Variants in EBF1 observed in about 807,000 individuals in gnomAD.
The protein encoded by EBF1 is EBF transcription factor 1.
In EBF1, 10 loss-of-function variants were observed where a neutral mutation model predicts 68.4. The observed-to-expected ratio is 0.15, with a 90% confidence interval of 0.09 to 0.25. The LOEUF is 0.25. Ranked by LOEUF, EBF1 falls within the 10% of genes least tolerant of loss-of-function variation. The pLI, the probability that EBF1 is intolerant of heterozygous loss-of-function variation, is 1.00. For missense variants in EBF1, 509 were observed against 794.4 expected (o/e 0.64, Z 4.32); for synonymous variants, 298 against 299.8 (o/e 0.99, Z 0.06).
At chr5:158,969,539 G>A (rs1174899417) in intron 6 of EBF1, among the ~76,000 whole-genome samples, 5 of 149,962 alleles carry the variant, frequency 3.3e-5, no homozygotes, top group Middle Eastern at 3.5e-3. Context: ...CGAGGCAGGA[G>A]GATCACTTGA....
chr5:158,746,372 G>A (rs1767563673), intron 10 of EBF1, among the ~76,000 whole-genome samples: 1 of 152,124 alleles, frequency 6.6e-6, no homozygotes, highest in African/African-American at 2.4e-5. Context: ...TTTTGGGTGG[G>A]GAGGATGAAA....
chr5:159,030,627 A>T (rs2127741737), intron 6 of EBF1, among the ~76,000 whole-genome samples: 1 of 152,356 alleles, frequency 6.6e-6, no homozygotes, highest in East Asian at 1.9e-4. Flanking sequence ...CAAGGGGAGC[A>T]AGAAATTGGC....
chr5:158,886,431 A>G lies in EBF1; in HGVS notation c.555-46321T>C, dbSNP rs73300066. ...CTCTGCACTGGTGTTTTCGAGTCCAAAGGATTCACAAATACATTCTTTAGA... is the reference window on the plus strand; with the variant it reads ...CTCTGCACTGGTGTTTTCGAGTCCAGAGGATTCACAAATACATTCTTTAGA... On this transcript the variant is annotated intron_variant, in intron 6 of 15. Transcript: ENST00000313708. 1.4e-3 allele frequency among the ~76,000 whole-genome samples: 213 copies of G among 152,324 alleles called. 1 individual carries two copies. Among genetic ancestry groups the G allele is most frequent in the African/African-American group, 4.8e-3 (201 of 41,574 alleles).
intron 6 of EBF1, among the ~76,000 whole-genome samples, chr5:158,915,941 T>C (rs1807098385): frequency 6.6e-6 from 1 of 152,190 alleles, no homozygotes; most frequent in Non-Finnish European, 1.5e-5. Flanking sequence ...TGTGGGAGTC[T>C]CTCAAGAGCA....
At chr5:158,788,993 T>G (rs909557731) in intron 9 of EBF1, among the ~76,000 whole-genome samples, 12 of 124,162 alleles carry the variant, frequency 9.7e-5, no homozygotes, top group South Asian at 5.4e-4. Flanking sequence ...TTTTTATCTG[T>G]TTTTTTTTTA....
At chr5:158,882,653 A>C (rs192762737) in intron 6 of EBF1, among the ~76,000 whole-genome samples, 8 of 152,362 alleles carry the variant, frequency 5.3e-5, no homozygotes, top group Admixed American at 4.6e-4. Flanking sequence ...CCTTAAAATA[A>C]AAAAGGATAG....
chr5:158,789,507 A>G (rs2127722733), intron 9 of EBF1, among the ~76,000 whole-genome samples: 1 of 152,252 alleles, frequency 6.6e-6, no homozygotes, highest in East Asian at 1.9e-4. Flanking sequence ...AAATTTCTGG[A>G]AGTATGTTAA....
chr5:158,879,724 A>T (rs1310654113), intron 6 of EBF1, among the ~76,000 whole-genome samples: 1 of 152,166 alleles, frequency 6.6e-6, no homozygotes, highest in Non-Finnish European at 1.5e-5. Context: ...ATAATAATAA[A>T]AAGAAAAGTT....
At chr5:158,850,257 T>C (rs960572949) in intron 6 of EBF1, among the ~76,000 whole-genome samples, 1 of 152,242 alleles carries the variant, frequency 6.6e-6, no homozygotes. Context: ...TAGTTAAAAC[T>C]CTTAATGATT....
intron 6 of EBF1, among the ~76,000 whole-genome samples, chr5:159,043,158 A>G (rs1285423035): frequency 2.0e-5 from 3 of 152,204 alleles, no homozygotes; most frequent in Non-Finnish European, 4.4e-5. Context: ...CAAGTTCCAA[A>G]GAGATGAGGT....
chr5:158,953,321 A>G (rs1053660911), intron 6 of EBF1, among the ~76,000 whole-genome samples: 1 of 152,166 alleles, frequency 6.6e-6, no homozygotes, highest in African/African-American at 2.4e-5. Flanking sequence ...ACTTTAACAC[A>G]TTTTATTTAC....
chr5:158,981,933 C>T (rs1757979902), intron 6 of EBF1, among the ~76,000 whole-genome samples: 1 of 152,182 alleles, frequency 6.6e-6, no homozygotes, highest in Admixed American at 6.5e-5. Context: ...AAATCATTAA[C>T]ATACAGATCT....
At chr5:158,862,993 A>G (rs1371857258) in intron 6 of EBF1, among the ~76,000 whole-genome samples, 1 of 152,156 alleles carries the variant, frequency 6.6e-6, no homozygotes, top group African/African-American at 2.4e-5. Flanking sequence ...ACTGCTAGTG[A>G]CTCAAATTAT....
chr5:158,701,097 A>C (rs1424677857), intron 15 of EBF1, among the ~76,000 whole-genome samples: 1 of 152,190 alleles, frequency 6.6e-6, no homozygotes, highest in South Asian at 2.1e-4. Flanking sequence ...GGATCTTTTC[A>C]TCTGGGCTGG....
At chr5:158,813,473 C>CT (rs1204661023) in intron 8 of EBF1, among the ~76,000 whole-genome samples, 1 of 152,162 alleles carries the variant, frequency 6.6e-6, no homozygotes, top group Non-Finnish European at 1.5e-5. Context: ...ATTTCTATGG[C>CT]TTTTCCAGGC....
At chr5:158,837,773 G>T (rs995615079) in intron 7 of EBF1, among the ~76,000 whole-genome samples, 39 of 152,244 alleles carry the variant, frequency 2.6e-4, no homozygotes, top group African/African-American at 9.2e-4. Flanking sequence ...GGTTCCCAGT[G>T]TCATCAAAGT....
intron 6 of EBF1, among the ~76,000 whole-genome samples, chr5:158,859,130 G>T (rs1794566308): frequency 6.6e-6 from 1 of 152,152 alleles, no homozygotes; most frequent in South Asian, 2.1e-4. Context: ...TGAAAAAAGG[G>T]CCAGTAAGAG....
At chr5:158,981,039 T>G (rs1401748373) in intron 6 of EBF1, among the ~76,000 whole-genome samples, 1 of 152,050 alleles carries the variant, frequency 6.6e-6, no homozygotes, top group African/African-American at 2.4e-5. Context: ...AAAATCTTAG[T>G]TGGGGATAAG....
rs537935714 is a variant in EBF1 at position 159,062,334 on chromosome 5, G to A, written c.554+11062C>T. ...CAGGCCAGGCGCCTGATTGGATTTTGTGTCCTAAGGACAGAAGGCAAGCTC... is the reference window on the plus strand; with the variant it reads ...CAGGCCAGGCGCCTGATTGGATTTTATGTCCTAAGGACAGAAGGCAAGCTC... On this transcript the variant is annotated intron_variant, in intron 6 of 15. Transcript: ENST00000313708. Among the ~76,000 whole-genome samples the A allele has an allele frequency of 1.3e-5, 2 of 152,160 alleles. 1 individual carries two copies. Among genetic ancestry groups the A allele is most frequent in the Non-Finnish European group, 2.9e-5 (2 of 68,024 alleles).
Sources: allele counts gnomAD v4.1 joint callset (sites outside exome capture counted in the v4.1 genomes callset), GRCh38; gene constraint gnomAD v4.1.1; transcripts MANE v1.5; gene names NCBI Gene and HGNC (gene_info 2026-07-23, HGNC 2026-07-21).